Variants in CCDC195 observed in about 807,000 individuals in gnomAD.
The protein encoded by CCDC195 is coiled-coil domain containing 195.
At chr2:224,712,673 A>T (rs1421631525) in intron 1 of CCDC195, among the ~76,000 whole-genome samples, 1 of 152,108 alleles carries the variant, frequency 6.6e-6, no homozygotes, top group Non-Finnish European at 1.5e-5. Flanking sequence ...CTCTTTAATT[A>T]TTCCCTTTCT....
At chr2:224,711,918 T>C (rs1689323444) in intron 1 of CCDC195, among the ~76,000 whole-genome samples, 1 of 152,200 alleles carries the variant, frequency 6.6e-6, no homozygotes. Flanking sequence ...ATGCTCCCCT[T>C]GGTCATGATA....
chr2:224,703,792 G>C, exon 3 of CCDC195: 1 of 398,554 alleles, frequency 2.5e-6, no homozygotes, highest in Non-Finnish European at 4.4e-6. Flanking sequence ...TAGCTGGTTT[G>C]TGGCCTGATT....
exon 2 of CCDC195, chr2:224,710,009 C>T (rs1009334997): frequency 6.5e-5 from 26 of 398,498 alleles, no homozygotes; most frequent in Non-Finnish European, 1.3e-5. Flanking sequence ...AGCTCTTTGG[C>T]TGGTCCTATT....
intron 1 of CCDC195, among the ~76,000 whole-genome samples, chr2:224,714,215 C>A (rs1294482780): frequency 6.6e-6 from 1 of 152,136 alleles, no homozygotes; most frequent in African/African-American, 2.4e-5. Flanking sequence ...AGTATGATAT[C>A]AATTATGCGT....
At chr2:224,705,925 T>C (rs1193085764) in intron 2 of CCDC195, among the ~76,000 whole-genome samples, 2 of 152,154 alleles carry the variant, frequency 1.3e-5, no homozygotes. Flanking sequence ...TAATACCTCA[T>C]AAATGTTGGT....
chr2:224,712,202 C>A (rs1322987223), intron 1 of CCDC195, among the ~76,000 whole-genome samples: 1 of 152,154 alleles, frequency 6.6e-6, no homozygotes, highest in East Asian at 1.9e-4. Flanking sequence ...TTCAACACAG[C>A]ATCACAGGCT....
At chr2:224,712,096 A>G (rs1689324787) in intron 1 of CCDC195, among the ~76,000 whole-genome samples, 1 of 152,244 alleles carries the variant, frequency 6.6e-6, no homozygotes. Context: ...TGGGACCTAC[A>G]GTTAATTTGG....
intron 2 of CCDC195, among the ~76,000 whole-genome samples, chr2:224,704,484 T>G (rs1261777143): frequency 6.6e-6 from 1 of 152,170 alleles, no homozygotes; most frequent in Non-Finnish European, 1.5e-5. Context: ...AATGACTGCC[T>G]TTTCTTCATT....
At chr2:224,710,508 G>T (rs1446264433) in intron 1 of CCDC195, among the ~76,000 whole-genome samples, 1 of 152,072 alleles carries the variant, frequency 6.6e-6, no homozygotes, top group Non-Finnish European at 1.5e-5. Flanking sequence ...CGTGGTGGCG[G>T]GCACCTGTAG....
chr2:224,704,904 G>A (rs1039657570), intron 2 of CCDC195, among the ~76,000 whole-genome samples: 6 of 152,120 alleles, frequency 3.9e-5, no homozygotes, highest in Non-Finnish European at 7.3e-5. Context: ...TTTCAGGCAT[G>A]AGCCACCATT....
intron 2 of CCDC195, among the ~76,000 whole-genome samples, chr2:224,709,390 TC>T: frequency 6.6e-6 from 1 of 152,334 alleles, no homozygotes; most frequent in South Asian, 2.1e-4. Flanking sequence ...CCTCCCATTC[TC>T]AGGCTGTTCC....
intron 1 of CCDC195, among the ~76,000 whole-genome samples, chr2:224,714,067 T>G (rs1489897123): frequency 6.6e-6 from 1 of 152,208 alleles, no homozygotes; most frequent in African/African-American, 2.4e-5. Flanking sequence ...CTCGAACTCC[T>G]GTCCTTAAGT....
chr2:224,714,242 T>A (rs184066659), intron 1 of CCDC195, among the ~76,000 whole-genome samples: 1 of 152,358 alleles, frequency 6.6e-6, no homozygotes, highest in East Asian at 1.9e-4. Context: ...CTTATGAATA[T>A]GTTCTAACCT....
intron 1 of CCDC195, among the ~76,000 whole-genome samples, chr2:224,711,616 C>A (rs1689320793): frequency 6.6e-6 from 1 of 152,046 alleles, no homozygotes; most frequent in Non-Finnish European, 1.5e-5. Flanking sequence ...ATTGTGGAAT[C>A]TTCATTCTTT....
At chr2:224,716,025 C>G (rs185655773) in intron 1 of CCDC195, 106 bp downstream of exon 1, 3 of 397,234 alleles carry the variant, frequency 7.6e-6, no homozygotes, top group African/African-American at 6.2e-5. Flanking sequence ...AACCCACCAC[C>G]GTTATTACCA....
intron 1 of CCDC195, among the ~76,000 whole-genome samples, chr2:224,715,314 T>C (rs553926362): frequency 1.3e-5 from 2 of 152,362 alleles, no homozygotes; most frequent in Non-Finnish European, 2.9e-5. Flanking sequence ...ACAATTTTAA[T>C]GTAGAGTATA....
chr2:224,710,334 C>CT (rs566741781), intron 1 of CCDC195, 115 bp from the exon 2 acceptor site: 13 of 396,604 alleles, frequency 3.3e-5, no homozygotes, highest in Middle Eastern at 6.3e-4. Context: ...TTTCTCATTA[C>CT]TTTTTTGGCA....
At chr2:224,715,420 A>G (rs1156488748) in intron 1 of CCDC195, among the ~76,000 whole-genome samples, 1 of 152,206 alleles carries the variant, frequency 6.6e-6, no homozygotes, top group African/African-American at 2.4e-5. Flanking sequence ...AATATATCAA[A>G]CATCGACTCT....
At chr2:224,714,082 C>T (rs1238158138) in intron 1 of CCDC195, among the ~76,000 whole-genome samples, 3 of 152,110 alleles carry the variant, frequency 2.0e-5, no homozygotes, top group African/African-American at 7.2e-5. Context: ...TTAAGTGATC[C>T]TCCTGCCTTC....
Sources: allele counts gnomAD v4.1 joint callset (sites outside exome capture counted in the v4.1 genomes callset), GRCh38; gene constraint gnomAD v4.1.1; transcripts MANE v1.5; gene names NCBI Gene and HGNC (gene_info 2026-07-23, HGNC 2026-07-21).